Variants in SCN9A observed in about 807,000 individuals in gnomAD.
The protein encoded by SCN9A is sodium voltage-gated channel alpha subunit 9.
A neutral mutation model predicts 187.0 loss-of-function variants in SCN9A; 131 were observed. The observed-to-expected ratio is 0.70, with a 90% CI of 0.61 to 0.81. SCN9A has a LOEUF of 0.81. Ranked by LOEUF, SCN9A falls within the 30% of genes least tolerant of loss-of-function variation. The pLI, the probability that SCN9A is intolerant of heterozygous loss-of-function variation, is 0.00. For synonymous variants in SCN9A, 809 were observed against 808.6 expected, an observed-to-expected ratio of 1.00 and a Z score of -0.01; for missense variants, 2,252 against 2,396.6, an observed-to-expected ratio of 0.94 and a Z score of 1.26.
chr2:166,204,370 G>A lies in SCN9A; in HGVS notation c.4493C>T (p.Pro1498Leu), dbSNP rs367754221. 2.5e-6 allele frequency: 4 copies of A among 1,606,870 alleles called. No individual in the cohort carries two copies. The highest frequency in any genetic ancestry group is 3.4e-6 in the Non-Finnish European group (4 of 1,175,734). The change falls in exon 25 of 27, where the codon CCT becomes CTT. Residue 1498 changes from proline (P) to leucine (L), a missense_variant. Pro to Leu is a moderately conservative substitution (Grantham distance 98). Transcript: ENST00000642356. The part of the protein sequence containing the change: ...LGSKKPQKPI[P>L]RPGNKIQGCI... ...TATATATTTTTTTACCCCTGGTCGA[G>A]GAATTGGCTTTTGTGGCTTCTTGGA...
chr2:166,262,509 T>A (rs894255425), intron 17 of SCN9A, among the ~76,000 whole-genome samples: 72 of 151,922 alleles, frequency 4.7e-4, no homozygotes, highest in African/African-American at 1.5e-3. Context: ...AATATCAGAA[T>A]CCCAATGAAT....
chr2:166,304,110 C>T (rs750707641), intron 6 of SCN9A, 128 bp downstream of exon 6: 8 of 1,613,496 alleles, frequency 5.0e-6, no homozygotes, highest in African/African-American at 2.7e-5. Flanking sequence ...GGTCCACAAA[C>T]TCTGTCACAT....
In SCN9A at chr2:166,358,441, C is replaced by A. The variant is rs144131152; in HGVS notation, c.-51+17256G>T. On this transcript the variant is annotated intron_variant, in intron 1 of 26. Coordinates refer to ENST00000642356, the MANE Select transcript of SCN9A (RefSeq NM_001365536.1). ...AGTGAGGTCAGGGATCTTTTCATAT[C>A]CTCAGATGCCATTTGTGCTTTTTTT... is the stretch of plus-strand genomic sequence containing the variant. Among the ~76,000 whole-genome samples the A allele has an allele frequency of 8.0e-4, 121 of 152,132 alleles. No homozygotes were observed. In the East Asian group the frequency reaches 0.017, roughly 21 times the overall value.
intron 7 of SCN9A, among the ~76,000 whole-genome samples, chr2:166,295,140 G>A (rs1243443690): frequency 6.6e-6 from 1 of 152,164 alleles, no homozygotes; most frequent in African/African-American, 2.4e-5. Flanking sequence ...TTTGGGCTGG[G>A]GGAAGAGAAA....
chr2:166,233,270 A>T (rs1227343561), intron 21 of SCN9A, 70 bp downstream of exon 21: 2 of 1,131,916 alleles, frequency 1.8e-6, no homozygotes, highest in Non-Finnish European at 2.4e-6. Context: ...TAATTTCTAC[A>T]TACCCATTGT....
chr2:166,206,574 G>T (rs1693817345), intron 24 of SCN9A, among the ~76,000 whole-genome samples: 2 of 152,034 alleles, frequency 1.3e-5, no homozygotes, highest in African/African-American at 2.4e-5. Context: ...ATGATGAGTT[G>T]ATTGGTGCAG....
intron 7 of SCN9A, among the ~76,000 whole-genome samples, chr2:166,299,572 C>G (rs907646170): frequency 6.6e-6 from 1 of 150,746 alleles, no homozygotes; most frequent in African/African-American, 2.5e-5. Flanking sequence ...TCTGGGTCCT[C>G]TTTTCTACCT....
intron 1 of SCN9A, among the ~76,000 whole-genome samples, chr2:166,329,209 C>G (rs1559044568): frequency 6.6e-6 from 1 of 151,990 alleles, no homozygotes; most frequent in Non-Finnish European, 1.5e-5. Context: ...GGAAATTTTT[C>G]TTTATTAAAC....
At chr2:166,229,093 T>G in intron 21 of SCN9A, 121 bp from the exon 22 acceptor site, 3 of 728,220 alleles carry the variant, frequency 4.1e-6, no homozygotes, top group Non-Finnish European at 6.6e-6. Flanking sequence ...ATCTAAGACA[T>G]CAAACCAACC....
At chr2:166,365,986 A>G (rs1017637524) in intron 1 of SCN9A, among the ~76,000 whole-genome samples, 24 of 152,194 alleles carry the variant, frequency 1.6e-4, no homozygotes, top group African/African-American at 5.8e-4. Flanking sequence ...CAGGAAGAGT[A>G]TAAATGCTGA....
chr2:166,272,287 T>C, intron 17 of SCN9A, 112 bp downstream of exon 17: 1 of 685,680 alleles, frequency 1.5e-6, no homozygotes, highest in Non-Finnish European at 2.3e-6. Context: ...ACAAAAACTA[T>C]CCATCACTAC....
At chr2:166,303,821 G>A (rs1264488315) in intron 6 of SCN9A, among the ~76,000 whole-genome samples, 1 of 152,118 alleles carries the variant, frequency 6.6e-6, no homozygotes, top group Admixed American at 6.6e-5. Context: ...CCCTCAGACA[G>A]GAGGGAAGAT....
chr2:166,305,973 T>C, intron 4 of SCN9A, 53 bp from the exon 5 acceptor site: 2 of 1,593,678 alleles, frequency 1.3e-6, no homozygotes, highest in Non-Finnish European at 1.7e-6. Context: ...ACAACCACCA[T>C]GTAAATCTTT....
chr2:166,330,166 G>C (rs2105262299), intron 1 of SCN9A, among the ~76,000 whole-genome samples: 1 of 152,160 alleles, frequency 6.6e-6, no homozygotes, highest in Middle Eastern at 3.4e-3. Context: ...CAAAGTTCCT[G>C]CATTCTACAG....
intron 17 of SCN9A, among the ~76,000 whole-genome samples, chr2:166,266,892 A>T (rs1696764488): frequency 6.6e-6 from 1 of 151,844 alleles, no homozygotes. Flanking sequence ...TGATTTTTGC[A>T]TGTTGATTTT....
intron 11 of SCN9A, among the ~76,000 whole-genome samples, chr2:166,285,725 A>T (rs1697708365): frequency 6.6e-6 from 1 of 152,154 alleles, no homozygotes; most frequent in South Asian, 2.1e-4. Flanking sequence ...CCTAAGGAAA[A>T]CAGAAGCAAT....
chr2:166,311,329 C>CATATATATAT (rs1559034298), intron 2 of SCN9A, among the ~76,000 whole-genome samples, 170 bp downstream of exon 2: 595 of 47,892 alleles, frequency 0.012, 165 homozygotes, highest in Non-Finnish European at 0.015. Flanking sequence ...TTCTGAATAT[C>CATATATATAT]CTATATATAT....
intron 16 of SCN9A, among the ~76,000 whole-genome samples, chr2:166,276,092 G>T (rs535168698): frequency 6.6e-6 from 1 of 152,010 alleles, no homozygotes; most frequent in Admixed American, 6.6e-5. Flanking sequence ...GCTCATAGAA[G>T]AGCATTTTAT....
At chr2:166,339,993 G>A (rs1319066952) in intron 1 of SCN9A, among the ~76,000 whole-genome samples, 1 of 152,130 alleles carries the variant, frequency 6.6e-6, no homozygotes, top group African/African-American at 2.4e-5. Flanking sequence ...TCACTGGTGA[G>A]GAAGTTACAC....
Sources: allele counts gnomAD v4.1 joint callset (sites outside exome capture counted in the v4.1 genomes callset), GRCh38; gene constraint gnomAD v4.1.1; transcripts MANE v1.5; gene names NCBI Gene and HGNC (gene_info 2026-07-23, HGNC 2026-07-21).